Variants in STAU2 observed in about 807,000 individuals in gnomAD.
STAU2 encodes staufen double-stranded RNA binding protein 2.
In STAU2, 20 loss-of-function variants were observed where a neutral mutation model predicts 65.9. The observed-to-expected ratio is 0.30, with a 90% confidence interval of 0.21 to 0.44. The LOEUF is 0.44. STAU2 is among the 20% of genes least tolerant of loss of function. The pLI is 1.00. For missense variants in STAU2, 558 were observed against 683.9 expected (o/e 0.82, Z 2.05); for synonymous variants, 232 against 233.9 (o/e 0.99, Z 0.07).
At chr8:73,741,587 A>G (rs1431638647) in intron 1 of STAU2, among the ~76,000 whole-genome samples, 1 of 150,226 alleles carries the variant, frequency 6.7e-6, no homozygotes, top group African/African-American at 2.5e-5. Context: ...ATCTCAGCTC[A>G]CTGCAACCTC....
intron 13 of STAU2, among the ~76,000 whole-genome samples, chr8:73,429,819 A>C (rs1356170613): frequency 6.6e-6 from 1 of 152,148 alleles, no homozygotes; most frequent in Non-Finnish European, 1.5e-5. Context: ...AAAATCACTC[A>C]TTACCTCTTC....
At chr8:73,724,444 T>C (rs1034223351) in intron 3 of STAU2, among the ~76,000 whole-genome samples, 1 of 152,076 alleles carries the variant, frequency 6.6e-6, no homozygotes, top group Non-Finnish European at 1.5e-5. Context: ...AGTGACAAAG[T>C]GATATGCACT....
chr8:73,572,994 T>C (rs553350721), intron 12 of STAU2, among the ~76,000 whole-genome samples: 21 of 152,348 alleles, frequency 1.4e-4, no homozygotes, highest in African/African-American at 4.6e-4. Context: ...ATTGTATATT[T>C]AGAAAACCTC....
At chr8:73,522,753 C>T (rs547542261) in intron 13 of STAU2, among the ~76,000 whole-genome samples, 2 of 152,258 alleles carry the variant, frequency 1.3e-5, no homozygotes, top group Admixed American at 6.5e-5. Context: ...CAAGACATCA[C>T]GAGGACCTCC....
intron 12 of STAU2, among the ~76,000 whole-genome samples, chr8:73,568,344 C>T (rs1446087717): frequency 6.6e-6 from 1 of 152,178 alleles, no homozygotes; most frequent in Non-Finnish European, 1.5e-5. Flanking sequence ...TGGCTCATGC[C>T]TATAATCCTA....
chr8:73,575,057 C>G (rs987547262), intron 12 of STAU2, among the ~76,000 whole-genome samples: 1 of 148,714 alleles, frequency 6.7e-6, no homozygotes, highest in Non-Finnish European at 1.5e-5. Context: ...AAAGAAAAAC[C>G]AAACTTTAAA....
At chr8:73,578,081 C>T (rs1809712489) in intron 12 of STAU2, among the ~76,000 whole-genome samples, 1 of 152,074 alleles carries the variant, frequency 6.6e-6, no homozygotes, top group African/African-American at 2.4e-5. Context: ...CTTAGAAAAA[C>T]TATCATACTG....
chr8:73,533,106 C>T (rs1310523087), intron 13 of STAU2, among the ~76,000 whole-genome samples: 1 of 152,198 alleles, frequency 6.6e-6, no homozygotes, highest in Non-Finnish European at 1.5e-5. Context: ...TTTAAAAATA[C>T]TTCAGAGTTT....
chr8:73,665,971 G>A (rs1817209052), intron 6 of STAU2, among the ~76,000 whole-genome samples: 1 of 152,036 alleles, frequency 6.6e-6, no homozygotes, highest in African/African-American at 2.4e-5. Context: ...CGTTGTTTAG[G>A]AAATAATGAC....
At chr8:73,677,377 A>G (rs965438684) in intron 5 of STAU2, among the ~76,000 whole-genome samples, 6 of 152,230 alleles carry the variant, frequency 3.9e-5, no homozygotes, top group Non-Finnish European at 2.9e-5. Context: ...AAATGTATGC[A>G]TTTTAAGAAT....
intron 12 of STAU2, among the ~76,000 whole-genome samples, chr8:73,570,062 A>G (rs1472817733): frequency 6.6e-6 from 1 of 152,148 alleles, no homozygotes; most frequent in East Asian, 1.9e-4. Context: ...GGAGCTAAAA[A>G]CCTTGAAAAA....
rs751624716 is a variant in STAU2, at chr8:73,650,475, TA to T, written c.410+22631del. Among the ~76,000 whole-genome samples the T allele has an allele frequency of 1.5e-4, 23 of 152,334 alleles. 1 individual carries two copies. The highest frequency in any genetic ancestry group is 2.4e-4 in the Non-Finnish European group (16 of 68,020). The stretch of plus-strand genomic sequence containing the variant: ...TTTATATACTGGGTCACATTATTTT[TA>T]AAAATTCCTTAGCAAAGGTCAGAGT... On this transcript the variant is annotated intron_variant, in intron 6 of 14. Transcript: ENST00000524300.
intron 13 of STAU2, among the ~76,000 whole-genome samples, chr8:73,531,809 A>G (rs947228779): frequency 1.3e-5 from 2 of 152,368 alleles, no homozygotes; most frequent in Non-Finnish European, 2.9e-5. Flanking sequence ...TTCAGAACTG[A>G]CTGGGTAAAC....
intron 13 of STAU2, among the ~76,000 whole-genome samples, chr8:73,435,912 G>GGA (rs1817649862): frequency 2.0e-5 from 3 of 151,626 alleles, no homozygotes; most frequent in African/African-American, 7.3e-5. Context: ...GAGGAGCCTG[G>GGA]GTCTGTAGGG....
chr8:73,459,889 T>C (rs1311973983), intron 13 of STAU2, among the ~76,000 whole-genome samples: 1 of 152,180 alleles, frequency 6.6e-6, no homozygotes, highest in Non-Finnish European at 1.5e-5. Flanking sequence ...GCAACTCCTA[T>C]CGGGCACGGC....
intron 4 of STAU2, among the ~76,000 whole-genome samples, chr8:73,701,998 G>C (rs10156346): frequency 0.28 from 41,895 of 151,886 alleles, 6,281 homozygotes; most frequent in East Asian, 0.45. Flanking sequence ...ATCACATGTT[G>C]TCACTTATTT....
intron 12 of STAU2, among the ~76,000 whole-genome samples, chr8:73,576,660 G>A (rs1809584206): frequency 6.6e-6 from 1 of 152,098 alleles, no homozygotes; most frequent in Non-Finnish European, 1.5e-5. Flanking sequence ...TTATATAAGT[G>A]TTAAATACGT....
At chr8:73,665,525 A>G (rs1817170901) in intron 6 of STAU2, among the ~76,000 whole-genome samples, 1 of 152,232 alleles carries the variant, frequency 6.6e-6, no homozygotes, top group South Asian at 2.1e-4. Context: ...TGAAACTGAC[A>G]TATTTGTAGG....
intron 13 of STAU2, among the ~76,000 whole-genome samples, chr8:73,528,097 C>CATATAATACAT (rs1340033605): frequency 6.6e-6 from 1 of 152,142 alleles, no homozygotes. Flanking sequence ...TTTTATAATA[C>CATATAATACAT]ATGATCCATA....
Sources: gnomAD v4.1 joint callset for allele counts (sites outside exome capture counted in the v4.1 genomes callset) on GRCh38, gnomAD v4.1.1 for gene constraint, MANE v1.5 for transcripts, NCBI Gene and HGNC (gene_info 2026-07-23, HGNC 2026-07-21) for gene names.